CDH18: variants seen among roughly 807,000 people sequenced by gnomAD.
CDH18 encodes cadherin 18.
A neutral mutation model predicts 67.9 loss-of-function variants in CDH18; 31 were observed. The observed-to-expected ratio is 0.46, with a 90% CI of 0.34 to 0.62. CDH18 has a LOEUF of 0.62. CDH18 is among the 20% of genes least tolerant of loss of function. CDH18 has a pLI of 0.01. For missense variants in CDH18, 890 were observed against 975.5 expected (o/e 0.91, Z 1.17); for synonymous variants, 362 against 347.2 (o/e 1.04, Z -0.48).
intron 2 of CDH18, among the ~76,000 whole-genome samples, chr5:19,863,023 G>A (rs112577626): frequency 2.4e-3 from 362 of 151,964 alleles, no homozygotes; most frequent in Non-Finnish European, 3.9e-3. Context: ...TTTAACGGGG[G>A]AAAAAATGGG....
At chr5:19,490,034 GTTAT>G (rs759598909) in intron 11 of CDH18, among the ~76,000 whole-genome samples, 7 of 151,562 alleles carry the variant, frequency 4.6e-5, no homozygotes, top group Non-Finnish European at 8.8e-5. Context: ...ACTTCTACCC[GTTAT>G]TTATCACAAA....
rs183774759 is a variant in CDH18, at chr5:20,340,146, T to C, written c.-579-84641A>G. On this transcript the variant is annotated intron_variant, in intron 1 of 14. Coordinates refer to the CDH18 transcript ENST00000507958. ...GAAACCAGATGAAAATCCTTCAGCC[T>C]TTTTGGAAAGGCTGAGAAAAGCTTT... is the stretch of plus-strand genomic sequence containing the variant. Among the ~76,000 whole-genome samples the C allele has an allele frequency of 2.7e-3, 407 of 152,294 alleles. 13 individuals carry two copies. Among genetic ancestry groups the C allele is most frequent in the Admixed American group, 0.026 (403 of 15,288 alleles).
chr5:19,874,478 G>T (rs1319717735), intron 2 of CDH18, among the ~76,000 whole-genome samples: 1 of 152,032 alleles, frequency 6.6e-6, no homozygotes, highest in Non-Finnish European at 1.5e-5. Context: ...ATCATACTTT[G>T]TTTTTAATCT....
chr5:19,507,000 C>A (rs534946170), intron 10 of CDH18, among the ~76,000 whole-genome samples: 5 of 152,120 alleles, frequency 3.3e-5, no homozygotes, highest in East Asian at 1.9e-4. Context: ...TTTGCAATCT[C>A]CTCATCTGTC....
At chr5:20,397,451 A>G (rs758380686) in intron 1 of CDH18, among the ~76,000 whole-genome samples, 2 of 152,052 alleles carry the variant, frequency 1.3e-5, no homozygotes, top group African/African-American at 2.4e-5. Context: ...TTGACTATAG[A>G]GTATTAATTT....
chr5:19,919,061 A>G (rs906377797), intron 2 of CDH18, among the ~76,000 whole-genome samples: 2 of 152,124 alleles, frequency 1.3e-5, no homozygotes, highest in African/African-American at 4.8e-5. Context: ...CTAGTGATTT[A>G]ATCAACTCTG....
intron 1 of CDH18, among the ~76,000 whole-genome samples, chr5:20,568,093 T>C (rs1758615309): frequency 6.6e-6 from 1 of 152,170 alleles, no homozygotes; most frequent in Non-Finnish European, 1.5e-5. Flanking sequence ...ATTGAACCTG[T>C]AGATTAGCCC....
At chr5:19,845,054 T>C (rs1782763991) in intron 2 of CDH18, among the ~76,000 whole-genome samples, 1 of 152,162 alleles carries the variant, frequency 6.6e-6, no homozygotes, top group South Asian at 2.1e-4. Flanking sequence ...GTGTTAAATA[T>C]TACCAAGATG....
chr5:20,147,371 C>T (rs1750728319), intron 2 of CDH18, among the ~76,000 whole-genome samples: 1 of 152,096 alleles, frequency 6.6e-6, no homozygotes, highest in Admixed American at 6.6e-5. Context: ...TAATTCCATT[C>T]TTATACCCTC....
chr5:20,542,234 G>T (rs528923608), intron 1 of CDH18, among the ~76,000 whole-genome samples: 1 of 151,842 alleles, frequency 6.6e-6, no homozygotes, highest in East Asian at 1.9e-4. Context: ...AATAGTAAGT[G>T]TTAAATAACA....
chr5:20,515,990 T>G (rs772977099), intron 1 of CDH18, among the ~76,000 whole-genome samples: 3 of 152,048 alleles, frequency 2.0e-5, no homozygotes, highest in Non-Finnish European at 2.9e-5. Context: ...ATTACAATGT[T>G]CATTTCCATT....
chr5:20,534,086 A>C (rs1352217766), intron 1 of CDH18, among the ~76,000 whole-genome samples: 1 of 152,068 alleles, frequency 6.6e-6, no homozygotes. Context: ...AGTACATTAG[A>C]GGTTAAGACT....
At chr5:20,548,194 ATATTT>A (rs1329174423) in intron 1 of CDH18, among the ~76,000 whole-genome samples, 10 of 150,192 alleles carry the variant, frequency 6.7e-5, no homozygotes, top group Admixed American at 4.6e-4. Flanking sequence ...TTATATTAAA[ATATTT>A]TATAATATAA....
At chr5:19,617,607 C>T (rs1045728736) in intron 5 of CDH18, among the ~76,000 whole-genome samples, 1 of 152,206 alleles carries the variant, frequency 6.6e-6, no homozygotes, top group South Asian at 2.1e-4. Context: ...AAAGGCTTCA[C>T]TGGCAATGTT....
chr5:20,064,800 T>C (rs1382998611), intron 2 of CDH18, among the ~76,000 whole-genome samples: 1 of 152,126 alleles, frequency 6.6e-6, no homozygotes, highest in Non-Finnish European at 1.5e-5. Context: ...GCTTACTGCA[T>C]TGGGCTGCTG....
intron 11 of CDH18, among the ~76,000 whole-genome samples, chr5:19,495,849 C>CA (rs953033517): frequency 6.6e-6 from 1 of 151,226 alleles, no homozygotes; most frequent in Non-Finnish European, 1.5e-5. Context: ...CCGTTGGTTG[C>CA]AAAACAGCCT....
intron 2 of CDH18, among the ~76,000 whole-genome samples, chr5:20,228,104 TC>T (rs1289986422): frequency 6.6e-6 from 1 of 152,154 alleles, no homozygotes; most frequent in Middle Eastern, 3.2e-3. Flanking sequence ...AAACACTCTG[TC>T]CTTAGTTTCA....
chr5:19,556,457 A>ATACT (rs1421359957), intron 8 of CDH18, among the ~76,000 whole-genome samples: 1 of 152,198 alleles, frequency 6.6e-6, no homozygotes, highest in East Asian at 1.9e-4. Flanking sequence ...AATCAATGAC[A>ATACT]TACTTAGGGA....
intron 2 of CDH18, among the ~76,000 whole-genome samples, chr5:20,048,322 A>C (rs1291399548): frequency 2.6e-5 from 4 of 151,852 alleles, no homozygotes; most frequent in African/African-American, 9.6e-5. Flanking sequence ...TCATAAAATG[A>C]ATCTCAGTAC....
Sources: allele counts gnomAD v4.1 joint callset (sites outside exome capture counted in the v4.1 genomes callset), GRCh38; gene constraint gnomAD v4.1.1; transcripts MANE v1.5; gene names NCBI Gene and HGNC (gene_info 2026-07-23, HGNC 2026-07-21).